Variants in WDFY2 observed in about 807,000 individuals in gnomAD.
The protein encoded by WDFY2 is WD repeat and FYVE domain containing 2, also known as WD repeat and FYVE domain-containing protein 2.
Under a neutral mutation model 56.4 loss-of-function variants are expected in WDFY2, and 36 were observed. That is an observed-to-expected ratio of 0.64 (90% CI 0.49 to 0.84). The LOEUF (loss-of-function observed/expected upper bound fraction) is 0.84, where lower values mean the gene tolerates loss of function less well. Ranked by LOEUF, WDFY2 falls within the 40% of genes least tolerant of loss-of-function variation. The pLI, the probability that WDFY2 is intolerant of heterozygous loss-of-function variation, is 0.00. For missense variants in WDFY2, 444 were observed against 512.2 expected (o/e 0.87, Z 1.29); for synonymous variants, 176 against 183.7 (o/e 0.96, Z 0.34).
chr13:51,753,669 AG>A (rs1953289708), intron 8 of WDFY2, among the ~76,000 whole-genome samples: 1 of 152,102 alleles, frequency 6.6e-6, no homozygotes, highest in Non-Finnish European at 1.5e-5. Flanking sequence ...ATTGGTCTTT[AG>A]CTCCCAAATG....
chr13:51,650,691 G>A (rs1955362607), intron 1 of WDFY2, among the ~76,000 whole-genome samples: 1 of 152,116 alleles, frequency 6.6e-6, no homozygotes, highest in Non-Finnish European at 1.5e-5. Flanking sequence ...TTTATCGTTG[G>A]TTCTGTTTAT....
chr13:51,691,147 G>A (rs948422143), intron 3 of WDFY2, among the ~76,000 whole-genome samples: 1 of 152,014 alleles, frequency 6.6e-6, no homozygotes, highest in African/African-American at 2.4e-5. Context: ...TTTGTAGGTT[G>A]CCTGTTCACT....
chr13:51,686,861 TTTTTC>T (rs1384724579), intron 3 of WDFY2, among the ~76,000 whole-genome samples: 1 of 151,910 alleles, frequency 6.6e-6, no homozygotes, highest in African/African-American at 2.4e-5. Flanking sequence ...CCTCTCTTTT[TTTTTC>T]TTTTATTATT....
At chr13:51,635,707 C>G (rs933064360) in intron 1 of WDFY2, among the ~76,000 whole-genome samples, 3 of 152,210 alleles carry the variant, frequency 2.0e-5, no homozygotes, top group Non-Finnish European at 4.4e-5. Flanking sequence ...TACAGTTTCT[C>G]ACTTCTAAAG....
At chr13:51,672,548 T>C (rs1199966121) in intron 2 of WDFY2, among the ~76,000 whole-genome samples, 1 of 152,202 alleles carries the variant, frequency 6.6e-6, no homozygotes, top group Non-Finnish European at 1.5e-5. Flanking sequence ...TGGTTCCATA[T>C]AGGTTTTAGG....
intron 1 of WDFY2, among the ~76,000 whole-genome samples, chr13:51,645,943 C>G (rs1955254532): frequency 6.6e-6 from 1 of 152,184 alleles, no homozygotes. Flanking sequence ...AAGATGAACT[C>G]AACATTGCCT....
At chr13:51,659,417 G>A (rs182720805) in intron 1 of WDFY2, among the ~76,000 whole-genome samples, 141 of 152,260 alleles carry the variant, frequency 9.3e-4, no homozygotes, top group African/African-American at 3.3e-3. Flanking sequence ...TGTGGGGTGA[G>A]GTGTGTGGCC....
At chr13:51,616,907 G>GA (rs1296839462) in intron 1 of WDFY2, among the ~76,000 whole-genome samples, 1 of 152,184 alleles carries the variant, frequency 6.6e-6, no homozygotes, top group Non-Finnish European at 1.5e-5. Context: ...CACCAAGCTA[G>GA]AAGAATTTCT....
At position 51,584,651 on chromosome 13, in the gene WDFY2, G is replaced by A; in HGVS notation, c.-37G>A. ...TCTCCTCAGCCCGGCCCCGCGGCGC[G>A]GTTGGCGGCGGCGCCCCAGGCGCGC... On this transcript the variant is annotated 5_prime_UTR_variant, in exon 1 of 12. Coordinates refer to ENST00000298125, the MANE Select transcript of WDFY2 (RefSeq NM_052950.4). 6.3e-7 allele frequency: 1 copy of A among 1,594,470 alleles called. No homozygotes were observed. The highest frequency in any genetic ancestry group is 1.7e-5 in the Admixed American group (1 of 57,186).
chr13:51,696,476 T>G (rs1183026957), intron 3 of WDFY2, among the ~76,000 whole-genome samples: 1 of 152,226 alleles, frequency 6.6e-6, no homozygotes, highest in African/African-American at 2.4e-5. Flanking sequence ...AATTAAATCA[T>G]TTTGGTTCCG....
intron 1 of WDFY2, among the ~76,000 whole-genome samples, chr13:51,628,824 A>G (rs1280211990): frequency 6.6e-6 from 1 of 152,258 alleles, no homozygotes; most frequent in Non-Finnish European, 1.5e-5. Flanking sequence ...CCCATTGACC[A>G]GCATTTAAAA....
chr13:51,724,843 A>G (rs1387146476), intron 5 of WDFY2, among the ~76,000 whole-genome samples: 2 of 152,196 alleles, frequency 1.3e-5, no homozygotes, highest in Non-Finnish European at 2.9e-5. Context: ...ACTGCTCTAA[A>G]TAGCCTCTGT....
chr13:51,675,054 T>A, intron 2 of WDFY2, 116 bp from the exon 3 acceptor site: 2 of 842,660 alleles, frequency 2.4e-6, no homozygotes, highest in Non-Finnish European at 3.8e-6. Flanking sequence ...TTAAATGAAA[T>A]GTTTTCCAGG....
chr13:51,632,060 A>G (rs1414990517), intron 1 of WDFY2, among the ~76,000 whole-genome samples: 5 of 152,164 alleles, frequency 3.3e-5, no homozygotes, highest in Non-Finnish European at 5.9e-5. Context: ...TTGATAATTC[A>G]TCTAAATTTA....
In WDFY2 at chr13:51,677,608, T is replaced by C. The variant is rs1955909142; in HGVS notation, c.279+2365T>C. ...GAAAGTGTGAAATCAGAAAGTAACA[T>C]CATTATTTCACTTTATTTTACTGAA... On this transcript the variant is annotated intron_variant, in intron 3 of 11. Coordinates refer to ENST00000298125, the MANE Select transcript of WDFY2 (RefSeq NM_052950.4). Among the ~76,000 whole-genome samples the C allele has an allele frequency of 3.3e-5, 5 of 152,310 alleles. No homozygotes were observed. In the South Asian group the frequency reaches 1.0e-3, roughly 32 times the overall value.
At chr13:51,708,827 T>C (rs1266338910) in intron 4 of WDFY2, among the ~76,000 whole-genome samples, 2 of 152,134 alleles carry the variant, frequency 1.3e-5, no homozygotes, top group African/African-American at 4.8e-5. Flanking sequence ...GAAGATGATA[T>C]ACAATGAGAA....
At chr13:51,652,932 C>T (rs1955424755) in intron 1 of WDFY2, among the ~76,000 whole-genome samples, 1 of 152,052 alleles carries the variant, frequency 6.6e-6, no homozygotes, top group Non-Finnish European at 1.5e-5. Flanking sequence ...TCTGTATTTC[C>T]TGAATGTGAA....
At chr13:51,633,897 T>C (rs762733615) in intron 1 of WDFY2, among the ~76,000 whole-genome samples, 6 of 152,266 alleles carry the variant, frequency 3.9e-5, no homozygotes, top group Non-Finnish European at 7.3e-5. Flanking sequence ...TTCAGTTCTT[T>C]CCCATTGGTC....
rs1953732098 is a variant in WDFY2, at chr13:51,765,905, G to A, written c.*6136G>A. 6.6e-6 allele frequency: 1 copy of A among 152,096 alleles called. No individual in the cohort carries two copies. The highest frequency in any genetic ancestry group is 2.4e-5 in the African/African-American group (1 of 41,410). 9.4% of individuals were successfully genotyped at this position (152,096 alleles called of 1,614,324 possible). A position where few individuals can be genotyped will look rare whatever the true frequency, so the allele number is the denominator to read the frequency against. On this transcript the variant is annotated 3_prime_UTR_variant, in exon 12 of 12. Transcript: ENST00000298125. The stretch of plus-strand genomic sequence containing the variant: ...AGAAGAGTATCTGACTTTCTTGGAA[G>A]TGTCAAGAATTGCAGGTTGGCTGAA...
Sources: allele counts gnomAD v4.1 joint callset (sites outside exome capture counted in the v4.1 genomes callset), GRCh38; gene constraint gnomAD v4.1.1; transcripts MANE v1.5; gene names NCBI Gene and HGNC (gene_info 2026-07-23, HGNC 2026-07-21).